Variants in PPFIA2 observed in about 807,000 individuals in gnomAD.
PPFIA2 encodes PPFI scaffold protein A2, also known as liprin-alpha-2.
Under a neutral mutation model 175.5 loss-of-function variants are expected in PPFIA2, and 46 were observed. The ratio of observed to expected loss-of-function variants is 0.26; its 90% CI spans 0.21 to 0.34. The LOEUF is 0.34. Ranked by LOEUF, PPFIA2 falls within the 10% of genes least tolerant of loss-of-function variation. The pLI is 1.00. For synonymous variants in PPFIA2, 568 were observed against 511.4 expected (o/e 1.11, Z -1.49); for missense variants, 1,179 against 1,506.1 (o/e 0.78, Z 3.60).
In PPFIA2 at chr12:81,422,093, T is replaced by C. The variant is rs544420230; in HGVS notation, c.646-16190A>G. Among the ~76,000 whole-genome samples, 5 of 141,016 alleles carry C rather than the reference T, an allele frequency of 3.5e-5. No homozygotes were observed. In the East Asian group the frequency reaches 9.9e-4, roughly 28 times the overall value. The allele number at this position is 141,016 out of a possible 152,430, so 92.5% of individuals were successfully genotyped here. A position where few individuals can be genotyped will look rare whatever the true frequency, so the allele number is the denominator to read the frequency against. Reference sequence around the variant, plus strand: ...GTGTGTGTGTATATATATGTGTATATATATGTGTGTATATATATGTGTATA... The same window carrying C: ...GTGTGTGTGTATATATATGTGTATACATATGTGTGTATATATATGTGTATA... On this transcript the variant is annotated intron_variant, in intron 7 of 32. Coordinates refer to ENST00000549396, the MANE Select transcript of PPFIA2 (RefSeq NM_003625.5).
chr12:81,517,290 A>G (rs1012406075), intron 4 of PPFIA2, among the ~76,000 whole-genome samples: 3 of 152,140 alleles, frequency 2.0e-5, no homozygotes, highest in Admixed American at 6.5e-5. Flanking sequence ...TACCCGGCAG[A>G]ACAAGGATCC....
At chr12:81,452,293 G>C (rs888153505) in intron 5 of PPFIA2, among the ~76,000 whole-genome samples, 9 of 152,174 alleles carry the variant, frequency 5.9e-5, no homozygotes, top group African/African-American at 2.2e-4. Context: ...CTTGTGAATA[G>C]TTATTTCCAA....
rs538168629 is a variant in PPFIA2, at chr12:81,590,139, C to A, written c.303+86652G>T. ...CTCTCTCTTGGCTGGGAAACTCTGC[C>A]TATATTACTGGGTAATCTTGCAGCT... On this transcript the variant is annotated intron_variant, in intron 4 of 32. Coordinates refer to ENST00000549396, the MANE Select transcript of PPFIA2 (RefSeq NM_003625.5). Among the ~76,000 whole-genome samples the A allele has an allele frequency of 3.3e-5, 5 of 152,070 alleles. 1 individual carries two copies. In the South Asian group the frequency reaches 1.0e-3, roughly 32 times the overall value.
chr12:81,317,788 CAA>C (rs1566105659), intron 22 of PPFIA2, among the ~76,000 whole-genome samples: 1 of 151,544 alleles, frequency 6.6e-6, no homozygotes, highest in Non-Finnish European at 1.5e-5. Flanking sequence ...GTTAAAAATT[CAA>C]AGATTCTCCT....
chr12:81,407,005 T>A (rs1339818037), intron 7 of PPFIA2, among the ~76,000 whole-genome samples: 1 of 152,210 alleles, frequency 6.6e-6, no homozygotes, highest in Non-Finnish European at 1.5e-5. Context: ...CTATATGATC[T>A]CTGGTATTTG....
At chr12:81,324,276 A>G (rs547148457) in intron 22 of PPFIA2, among the ~76,000 whole-genome samples, 100 of 152,172 alleles carry the variant, frequency 6.6e-4, no homozygotes, top group Admixed American at 2.2e-3. Flanking sequence ...GTTATTTTAA[A>G]TCACTGTATA....
At chr12:81,716,576 A>AC (rs879303100) in intron 3 of PPFIA2, among the ~76,000 whole-genome samples, 12 of 151,204 alleles carry the variant, frequency 7.9e-5, no homozygotes, top group Non-Finnish European at 1.5e-4. Context: ...ACACACACAC[A>AC]AGCACACACA....
At chr12:81,477,067 G>A (rs1333354705) in intron 4 of PPFIA2, among the ~76,000 whole-genome samples, 5 of 152,024 alleles carry the variant, frequency 3.3e-5, no homozygotes, top group Non-Finnish European at 7.4e-5. Flanking sequence ...GTGGTAGCGG[G>A]GGAAGGGAGA....
chr12:81,373,518 C>T (rs537491141), intron 11 of PPFIA2, among the ~76,000 whole-genome samples: 4 of 152,044 alleles, frequency 2.6e-5, no homozygotes, highest in South Asian at 2.1e-4. Flanking sequence ...GACTACAGAA[C>T]GATCCAAATT....
At chr12:81,671,628 T>C (rs574139924) in intron 4 of PPFIA2, among the ~76,000 whole-genome samples, 2 of 152,080 alleles carry the variant, frequency 1.3e-5, no homozygotes, top group East Asian at 3.9e-4. Flanking sequence ...TTCCCTTTGG[T>C]CTTTAGTATA....
chr12:81,494,709 A>G (rs1474596754), intron 4 of PPFIA2, among the ~76,000 whole-genome samples: 24 of 151,854 alleles, frequency 1.6e-4, no homozygotes, highest in African/African-American at 3.6e-4. Flanking sequence ...GTCCAACAAC[A>G]ATATACTGGA....
chr12:81,684,908 C>T (rs1405212818), intron 3 of PPFIA2, among the ~76,000 whole-genome samples: 1 of 152,000 alleles, frequency 6.6e-6, no homozygotes, highest in Non-Finnish European at 1.5e-5. Flanking sequence ...AGTCAATAAA[C>T]AATACATTAA....
At chr12:81,475,169 G>C (rs2057320656) in intron 4 of PPFIA2, among the ~76,000 whole-genome samples, 1 of 152,118 alleles carries the variant, frequency 6.6e-6, no homozygotes, top group African/African-American at 2.4e-5. Flanking sequence ...GATAAACTCT[G>C]TGAGAACCAG....
intron 4 of PPFIA2, among the ~76,000 whole-genome samples, chr12:81,552,782 C>T (rs1432882999): frequency 6.6e-6 from 1 of 151,806 alleles, no homozygotes; most frequent in Non-Finnish European, 1.5e-5. Flanking sequence ...AGATATGATC[C>T]CATTCACGCT....
Position 81,259,279 on chromosome 12 carries a change from ATATTT to A in PPFIA2, c.*410_*414del. The A allele has an allele frequency of 2.9e-6, 1 of 345,052 alleles. No individual in the cohort carries two copies. Among genetic ancestry groups the A allele is most frequent in the Non-Finnish European group, 5.5e-6 (1 of 182,860 alleles). The allele number at this position is 345,052 out of a possible 1,614,324, so 21.4% of individuals were successfully genotyped here. A position where few individuals can be genotyped will look rare whatever the true frequency, so the allele number is the denominator to read the frequency against. ...TTGCACTCGAGACTCCATGAACCAT[ATATTT>A]TATTTTTTAAAAAATCATATTTATA... On this transcript the variant is annotated 3_prime_UTR_variant, in exon 33 of 33. Coordinates refer to ENST00000549396, the MANE Select transcript of PPFIA2 (RefSeq NM_003625.5).
intron 4 of PPFIA2, among the ~76,000 whole-genome samples, chr12:81,669,431 A>G (rs2070998919): frequency 6.6e-6 from 1 of 152,056 alleles, no homozygotes; most frequent in Admixed American, 6.6e-5. Context: ...TGAGGAACTC[A>G]TATGCCAAGT....
chr12:81,542,150 T>C (rs1031102338), intron 4 of PPFIA2, among the ~76,000 whole-genome samples: 11 of 152,146 alleles, frequency 7.2e-5, no homozygotes, highest in African/African-American at 2.7e-4. Context: ...GGGTGGGCCT[T>C]ACATGCACTC....
intron 4 of PPFIA2, among the ~76,000 whole-genome samples, chr12:81,466,817 A>G (rs1244239604): frequency 6.6e-6 from 1 of 150,948 alleles, no homozygotes; most frequent in Non-Finnish European, 1.5e-5. Flanking sequence ...TGTGGGCCCT[A>G]GTCACATTTG....
chr12:81,660,391 G>A (rs28803893), intron 4 of PPFIA2, among the ~76,000 whole-genome samples: 46,336 of 152,060 alleles, frequency 0.3, 8,100 homozygotes, highest in Middle Eastern at 0.4. Context: ...CGAGAACTAC[G>A]TGACAAATGC....
Sources: gnomAD v4.1 joint callset for allele counts (sites outside exome capture counted in the v4.1 genomes callset) on GRCh38, gnomAD v4.1.1 for gene constraint, MANE v1.5 for transcripts, NCBI Gene and HGNC (gene_info 2026-07-23, HGNC 2026-07-21) for gene names.